The following ADARB2 variants were observed in gnomAD, a reference collection of about 807,000 sequenced individuals.
ADARB2 encodes the protein inactive double-stranded RNA-specific editase B2.
ADARB2 carries 25 observed loss-of-function variants against 62.2 expected under a neutral mutation model. The observed-to-expected ratio is 0.40, with a 90% CI of 0.29 to 0.56. ADARB2 has a LOEUF of 0.56. Among genes scored for constraint, ADARB2 ranks in the 20% least tolerant of loss-of-function variants. ADARB2 has a pLI of 0.43. For missense variants in ADARB2, 1,071 were observed against 1,077.4 expected, an observed-to-expected ratio of 0.99 and a Z score of 0.08; for synonymous variants, 572 against 500.8, an observed-to-expected ratio of 1.14 and a Z score of -1.90.
At chr10:1,382,601 A>G (rs1215010327) in intron 1 of ADARB2, among the ~76,000 whole-genome samples, 2 of 152,156 alleles carry the variant, frequency 1.3e-5, no homozygotes, top group African/African-American at 4.8e-5. Flanking sequence ...GTTCAATACG[A>G]GTGGAACTCT....
intron 1 of ADARB2, among the ~76,000 whole-genome samples, chr10:1,568,500 C>T (rs1370646869): frequency 6.7e-6 from 1 of 149,512 alleles, no homozygotes; most frequent in African/African-American, 2.5e-5. Flanking sequence ...GGCTATTTGC[C>T]AAGTTAATAG....
intron 1 of ADARB2, among the ~76,000 whole-genome samples, chr10:1,719,577 C>T (rs11250760): frequency 0.13 from 19,648 of 152,206 alleles, 1,634 homozygotes; most frequent in Non-Finnish European, 0.18. Context: ...AGAGCTTCTG[C>T]GCAGCAAAAG....
chr10:1,678,808 G>A (rs757731609), intron 1 of ADARB2, among the ~76,000 whole-genome samples: 79 of 151,884 alleles, frequency 5.2e-4, no homozygotes, highest in Non-Finnish European at 9.3e-4. Flanking sequence ...AGCTGCTTTC[G>A]TTTCTCCACC....
chr10:1,495,723 C>A (rs1831679417), intron 1 of ADARB2, among the ~76,000 whole-genome samples: 1 of 151,990 alleles, frequency 6.6e-6, no homozygotes, highest in Admixed American at 6.6e-5. Context: ...ATAATCATCA[C>A]CATCATCATA....
At chr10:1,551,421 C>T (rs1684039195) in intron 1 of ADARB2, among the ~76,000 whole-genome samples, 1 of 152,160 alleles carries the variant, frequency 6.6e-6, no homozygotes, top group East Asian at 1.9e-4. Flanking sequence ...AAGTCCTTCT[C>T]ACCTTCACCC....
intron 1 of ADARB2, among the ~76,000 whole-genome samples, chr10:1,597,960 A>C (rs2132012444): frequency 6.6e-6 from 1 of 152,346 alleles, no homozygotes; most frequent in African/African-American, 2.4e-5. Context: ...AAGAAGTCAT[A>C]TCTTTTACAG....
intron 2 of ADARB2, among the ~76,000 whole-genome samples, chr10:1,370,693 C>T (rs1353935326): frequency 6.6e-6 from 1 of 152,140 alleles, no homozygotes; most frequent in Non-Finnish European, 1.5e-5. Context: ...AGAACTCAAT[C>T]CCATTTACAA....
intron 6 of ADARB2, among the ~76,000 whole-genome samples, chr10:1,220,267 G>A (rs1006010230): frequency 1.4e-5 from 2 of 142,442 alleles, no homozygotes; most frequent in African/African-American, 2.6e-5. Flanking sequence ...GATGATGGTG[G>A]TGATGATGGT....
At chr10:1,496,783 C>T (rs774549062) in intron 1 of ADARB2, among the ~76,000 whole-genome samples, 5 of 152,082 alleles carry the variant, frequency 3.3e-5, no homozygotes, top group Admixed American at 6.6e-5. Context: ...TCATCATCAC[C>T]GTCATCATCA....
At chr10:1,241,039 G>C (rs1830915533) in intron 5 of ADARB2, among the ~76,000 whole-genome samples, 2 of 152,138 alleles carry the variant, frequency 1.3e-5, no homozygotes, top group Admixed American at 1.3e-4. Context: ...GGGAGGCCGA[G>C]ATAGGGTGAC....
intron 3 of ADARB2, among the ~76,000 whole-genome samples, chr10:1,272,928 G>T (rs1366615673): frequency 6.6e-6 from 1 of 152,222 alleles, no homozygotes; most frequent in Admixed American, 6.5e-5. Flanking sequence ...TGAGGCTCTG[G>T]GGAGCCTTCC....
At chr10:1,372,320 G>GT (rs34320870) in intron 2 of ADARB2, among the ~76,000 whole-genome samples, 83,307 of 151,432 alleles carry the variant, frequency 0.55, 25,201 homozygotes, top group Middle Eastern at 0.7. Context: ...AAGGGGGAGG[G>GT]AGGAATGGGT....
chr10:1,249,786 G>C (rs1346717373), intron 4 of ADARB2, among the ~76,000 whole-genome samples: 1 of 152,026 alleles, frequency 6.6e-6, no homozygotes, highest in Non-Finnish European at 1.5e-5. Flanking sequence ...CACAAGCACT[G>C]TCTGAACATG....
At position 1,456,882 on chromosome 10, in the gene ADARB2, C is replaced by A. The variant is rs1831102522; in HGVS notation, c.101-77722G>T. Among the ~76,000 whole-genome samples, 3 of 152,146 alleles carry A rather than the reference C, an allele frequency of 2.0e-5. 1 individual carries two copies. The highest frequency in any genetic ancestry group is 2.0e-4 in the Admixed American group (3 of 15,282). On this transcript the variant is annotated intron_variant, in intron 1 of 9. Coordinates refer to ENST00000381312, the MANE Select transcript of ADARB2 (RefSeq NM_018702.4). ...CGATCTTGGCTCACTGCAGCCTCCC[C>A]ATCCCAGGTTCAAGCGATTCTCCTG... is the stretch of plus-strand genomic sequence containing the variant.
rs1255142546 is a variant in ADARB2 at position 1,187,211 on chromosome 10, G to A, written c.1865-2172C>T. 7.2e-5 allele frequency among the ~76,000 whole-genome samples: 11 copies of A among 152,374 alleles called. No homozygotes were observed. In the South Asian group the frequency reaches 1.4e-3, roughly 20 times the overall value. ...AGAGCCGGGAGGGACAATCTGGCCC[G>A]TTGGCCGCTGTGGCTGTCCTACTAG... On this transcript the variant is annotated intron_variant, in intron 8 of 9. Transcript: ENST00000381312.
intron 1 of ADARB2, among the ~76,000 whole-genome samples, chr10:1,559,986 C>A (rs540964832): frequency 6.6e-6 from 1 of 152,260 alleles, no homozygotes; most frequent in South Asian, 2.1e-4. Flanking sequence ...AATCCCACTG[C>A]GTGGACGGCA....
At chr10:1,318,718 A>G (rs1282004859) in intron 3 of ADARB2, among the ~76,000 whole-genome samples, 1 of 152,214 alleles carries the variant, frequency 6.6e-6, no homozygotes, top group Non-Finnish European at 1.5e-5. Context: ...TTGTCAAAGT[A>G]TAATTTGTCC....
chr10:1,661,453 C>T (rs1834246991), intron 1 of ADARB2, among the ~76,000 whole-genome samples: 1 of 152,228 alleles, frequency 6.6e-6, no homozygotes, highest in South Asian at 2.1e-4. Flanking sequence ...AGCTTCACTG[C>T]CTTGGGCCAG....
At chr10:1,194,009 T>C (rs776524246) in intron 8 of ADARB2, among the ~76,000 whole-genome samples, 1 of 152,228 alleles carries the variant, frequency 6.6e-6, no homozygotes, top group Admixed American at 6.5e-5. Context: ...TCTTTAAATA[T>C]CTCTCCTGTT....
Sources: gnomAD v4.1 joint callset for allele counts (sites outside exome capture counted in the v4.1 genomes callset) on GRCh38, gnomAD v4.1.1 for gene constraint, MANE v1.5 for transcripts, NCBI Gene and HGNC (gene_info 2026-07-23, HGNC 2026-07-21) for gene names.